FBXW11: variants seen among roughly 807,000 people sequenced by gnomAD.
FBXW11 encodes F-box and WD repeat domain containing 11.
A neutral mutation model predicts 77.6 loss-of-function variants in FBXW11; 19 were observed. The observed-to-expected ratio is 0.24, with a 90% CI of 0.17 to 0.36. FBXW11 has a LOEUF of 0.36. Among genes scored for constraint, FBXW11 ranks in the 10% least tolerant of loss-of-function variants. The probability of loss-of-function intolerance (pLI) is 1.00; values close to 1 mark genes in which losing one functional copy is unlikely to be tolerated. For missense variants in FBXW11, 334 were observed against 704.2 expected (o/e 0.47, Z 5.95); for synonymous variants, 235 against 249.4 (o/e 0.94, Z 0.54).
At chr5:171,912,817 G>A (rs193252593) in intron 3 of FBXW11, among the ~76,000 whole-genome samples, 42 of 152,138 alleles carry the variant, frequency 2.8e-4, no homozygotes, top group African/African-American at 9.4e-4. Context: ...GGCTGAGGCA[G>A]GAGAAATGCT....
chr5:171,863,047 G>A lies in FBXW11; in HGVS notation c.*1080C>T, dbSNP rs1757181991. On this transcript the variant is annotated 3_prime_UTR_variant, in exon 14 of 14. Transcript: ENST00000517395. ...AGAATAAGAACAAAAAATGTTTAAGGTACCTCTCTATTGTATAATATATAC... is the reference window on the plus strand; with the variant it reads ...AGAATAAGAACAAAAAATGTTTAAGATACCTCTCTATTGTATAATATATAC... 6.6e-6 allele frequency: 1 copy of A among 152,324 alleles called. No homozygotes were observed. Among genetic ancestry groups the A allele is most frequent in the Admixed American group, 6.6e-5 (1 of 15,264 alleles). 9.4% of individuals were successfully genotyped at this position (152,324 alleles called of 1,614,324 possible).
chr5:171,957,524 C>T (rs1350465767), intron 2 of FBXW11, 73 bp downstream of exon 2: 2 of 1,284,756 alleles, frequency 1.6e-6, no homozygotes, highest in South Asian at 1.2e-5. Context: ...GGATTAAACA[C>T]ACTACTGCAA....
intron 1 of FBXW11, among the ~76,000 whole-genome samples, chr5:172,005,139 G>T (rs1465958258): frequency 6.6e-6 from 1 of 152,158 alleles, no homozygotes; most frequent in East Asian, 1.9e-4. Context: ...TTAAATGGGG[G>T]AAGTGGCTCT....
rs749880608 is a variant in FBXW11, at chr5:171,904,076, C to T, written c.437-3976G>A. The stretch of plus-strand genomic sequence containing the variant: ...CTTTGGGAGGCCAAGATGGGCAGAT[C>T]GCTTGAGTCCAGGAGTTTGAGACCA... On this transcript the variant is annotated intron_variant, in intron 4 of 13. Coordinates refer to ENST00000517395, the MANE Select transcript of FBXW11 (RefSeq NM_001378974.1). The surrounding 1 kb of genome is among the most constrained non-coding windows in gnomAD (Gnocchi z 4.0). Among the ~76,000 whole-genome samples, 17 of 152,100 alleles carry T rather than the reference C, an allele frequency of 1.1e-4. No homozygotes were observed. The highest frequency in any genetic ancestry group is 1.5e-4 in the Non-Finnish European group (10 of 68,020).
intron 4 of FBXW11, among the ~76,000 whole-genome samples, chr5:171,906,124 T>C (rs1021926396): frequency 6.6e-6 from 1 of 152,210 alleles, no homozygotes; most frequent in African/African-American, 2.4e-5. Context: ...TACAACCAGT[T>C]TTAACACAGC....
chr5:171,880,512 A>G (rs576543106), intron 7 of FBXW11, among the ~76,000 whole-genome samples: 12 of 152,188 alleles, frequency 7.9e-5, no homozygotes, highest in African/African-American at 2.9e-4. Flanking sequence ...CTACAGACCA[A>G]TTTGGGAAGA....
At chr5:171,986,164 T>C (rs1456035967) in intron 1 of FBXW11, among the ~76,000 whole-genome samples, 2 of 152,150 alleles carry the variant, frequency 1.3e-5, no homozygotes, top group African/African-American at 4.8e-5. Flanking sequence ...TACCAGCACT[T>C]TGGGAGGCCA....
At position 172,004,054 on chromosome 5, in the gene FBXW11, G is replaced by A. The variant is rs1581107483; in HGVS notation, c.45+2404C>T. Among the ~76,000 whole-genome samples, 4 of 152,078 alleles carry A rather than the reference G, an allele frequency of 2.6e-5. No individual in the cohort carries two copies. The South Asian group carries it at 8.3e-4, about 32-fold the overall frequency. Reference sequence around the variant, plus strand: ...TTTAACCCCTTTTCCTCCATCAATCGTATTATCTTGAAACCAATGTAAAAA... The same window carrying A: ...TTTAACCCCTTTTCCTCCATCAATCATATTATCTTGAAACCAATGTAAAAA... On this transcript the variant is annotated intron_variant, in intron 1 of 13. Transcript: ENST00000517395.
intron 1 of FBXW11, among the ~76,000 whole-genome samples, chr5:171,969,388 T>C (rs557923013): frequency 6.6e-6 from 1 of 152,354 alleles, no homozygotes; most frequent in Admixed American, 6.5e-5. Flanking sequence ...GAGAAATGTA[T>C]CTTCTCTCAA....
rs2569085 is a variant in FBXW11, at chr5:171,941,321, A to G, written c.147+16276T>C. The stretch of plus-strand genomic sequence containing the variant: ...AAGGACAAACCTAAAGTGACAGACT[A>G]TGAAACAGCTGGTCTGTAATCTTCA... On this transcript the variant is annotated intron_variant, in intron 2 of 13. Transcript: ENST00000517395. Among the ~76,000 whole-genome samples, 632 of 152,218 alleles carry G rather than the reference A, an allele frequency of 4.2e-3. 12 individuals carry two copies. Among genetic ancestry groups the G allele is most frequent in the Admixed American group, 0.03 (453 of 15,242 alleles).
intron 1 of FBXW11, chr5:172,003,193 G>C (rs1254576776): frequency 1.3e-5 from 2 of 152,182 alleles, no homozygotes; most frequent in Non-Finnish European, 2.9e-5. Context: ...CCGTGGAGGA[G>C]GCAGGATCGC....
rs771606804 is a variant in FBXW11 at position 171,876,342 on chromosome 5, A to G, written c.1164T>C (p.Asn388=). The change falls in exon 9 of 14, where the codon AAT becomes AAC. Residue 388 remains asparagine, a synonymous_variant. Coordinates refer to ENST00000517395, the MANE Select transcript of FBXW11 (RefSeq NM_001378974.1). This position sits in a 1 kb window ranked among gnomAD's most constrained non-coding sequence, Gnocchi z 4.2. ...TGTACTTGTCGTCAAAGTCTACTAC[A>G]TTGACGGCAGCCCGGTGGCCAACCA... is the stretch of plus-strand genomic sequence containing the variant. ...RVLVGHRAAV[N]VVDFDDKYIV... 1.2e-6 allele frequency: 2 copies of G among 1,614,210 alleles called. No individual in the cohort carries two copies. The highest frequency in any genetic ancestry group is 2.2e-5 in the East Asian group (1 of 44,878).
At position 171,995,541 on chromosome 5, in the gene FBXW11, C is replaced by T. The variant is rs540342549; in HGVS notation, c.45+10917G>A. ...GGCTGAGGTGGGCGGATCACAAGGT[C>T]AGGAGATCGAGACCATCCTGGCTAA... On this transcript the variant is annotated intron_variant, in intron 1 of 13. Transcript: ENST00000517395. Among the ~76,000 whole-genome samples the T allele has an allele frequency of 2.6e-4, 39 of 152,176 alleles. 1 individual carries two copies. The South Asian group carries it at 8.1e-3, about 32-fold the overall frequency.
intron 1 of FBXW11, among the ~76,000 whole-genome samples, chr5:171,969,013 T>C (rs551581211): frequency 6.6e-6 from 1 of 152,330 alleles, no homozygotes; most frequent in African/African-American, 2.4e-5. Context: ...CTCATGCCTG[T>C]AATCCTAGCA....
At chr5:171,989,188 T>A (rs886668016) in intron 1 of FBXW11, among the ~76,000 whole-genome samples, 6 of 152,046 alleles carry the variant, frequency 3.9e-5, no homozygotes, top group Admixed American at 3.3e-4. Context: ...AATAATAAAA[T>A]AAAAAATCTA....
chr5:171,988,728 C>A (rs1416649852), intron 1 of FBXW11, among the ~76,000 whole-genome samples: 1 of 151,782 alleles, frequency 6.6e-6, no homozygotes, highest in African/African-American at 2.4e-5. Context: ...GCCTGTAATC[C>A]CAGTTACTCA....
At chr5:171,931,817 CT>C (rs1473198259) in intron 2 of FBXW11, among the ~76,000 whole-genome samples, 2 of 110,088 alleles carry the variant, frequency 1.8e-5, no homozygotes, top group African/African-American at 8.0e-5. Context: ...TCTCTCTCCT[CT>C]CTCTCTCTCT....
intron 1 of FBXW11, among the ~76,000 whole-genome samples, chr5:171,969,782 A>G (rs1311634887): frequency 6.6e-6 from 1 of 152,144 alleles, no homozygotes; most frequent in African/African-American, 2.4e-5. Context: ...GCTCACTGCA[A>G]CCTCTGCCTC....
intron 1 of FBXW11, among the ~76,000 whole-genome samples, chr5:171,971,340 C>T (rs943243173): frequency 6.6e-6 from 1 of 152,156 alleles, no homozygotes; most frequent in African/African-American, 2.4e-5. Context: ...TCTAAGGTTA[C>T]AAAAGTCTTA....
Sources: allele counts gnomAD v4.1 joint callset (sites outside exome capture counted in the v4.1 genomes callset), GRCh38; gene constraint gnomAD v4.1.1; non-coding constraint Gnocchi (gnomAD v3.1); transcripts MANE v1.5; gene names NCBI Gene and HGNC (gene_info 2026-07-23, HGNC 2026-07-21).